ANKS1B: variants seen among roughly 807,000 people sequenced by gnomAD.
ANKS1B encodes ankyrin repeat and sterile alpha motif domain containing 1B.
A neutral mutation model predicts 148.3 loss-of-function variants in ANKS1B; 36 were observed. The observed-to-expected ratio is 0.24, with a 90% CI of 0.19 to 0.32. ANKS1B has a LOEUF of 0.32. ANKS1B is among the 10% of genes least tolerant of loss of function. The pLI, the probability that ANKS1B is intolerant of heterozygous loss-of-function variation, is 1.00. For synonymous variants in ANKS1B, 542 were observed against 560.8 expected, an observed-to-expected ratio of 0.97 and a Z score of 0.47; for missense variants, 1,157 against 1,542.6, an observed-to-expected ratio of 0.75 and a Z score of 4.19.
chr12:99,430,444 C>T (rs2095350162), intron 11 of ANKS1B, among the ~76,000 whole-genome samples: 1 of 152,122 alleles, frequency 6.6e-6, no homozygotes, highest in African/African-American at 2.4e-5. Context: ...TGATGTCTGG[C>T]AAGTAAGTGT....
chr12:99,393,644 G>T (rs1272326986), intron 12 of ANKS1B, among the ~76,000 whole-genome samples: 1 of 152,148 alleles, frequency 6.6e-6, no homozygotes, highest in African/African-American at 2.4e-5. Context: ...CAGTCCCATG[G>T]TCTTAAGACA....
intron 4 of ANKS1B, among the ~76,000 whole-genome samples, chr12:99,791,496 C>T (rs946949458): frequency 6.6e-6 from 1 of 151,808 alleles, no homozygotes; most frequent in Non-Finnish European, 1.5e-5. Flanking sequence ...AAGGACAGAC[C>T]ACATGTTAGG....
At chr12:98,928,583 A>T (rs2099810920) in intron 17 of ANKS1B, among the ~76,000 whole-genome samples, 1 of 152,020 alleles carries the variant, frequency 6.6e-6, no homozygotes, top group South Asian at 2.1e-4. Flanking sequence ...AATTATAACC[A>T]TGATCAAGTG....
At chr12:99,137,026 T>C (rs2153782434) in intron 15 of ANKS1B, among the ~76,000 whole-genome samples, 1 of 152,294 alleles carries the variant, frequency 6.6e-6, no homozygotes, top group African/African-American at 2.4e-5. Flanking sequence ...CATTCTCGTT[T>C]CCAAGAGTGC....
intron 12 of ANKS1B, among the ~76,000 whole-genome samples, chr12:99,385,284 C>A (rs887474672): frequency 5.9e-5 from 9 of 152,134 alleles, no homozygotes; most frequent in African/African-American, 2.2e-4. Flanking sequence ...GCCTGGCCAA[C>A]ATGGCAAAAC....
At chr12:99,396,526 C>G in intron 12 of ANKS1B, among the ~76,000 whole-genome samples, 1 of 152,084 alleles carries the variant, frequency 6.6e-6, no homozygotes, top group Non-Finnish European at 1.5e-5. Flanking sequence ...TATTGGAAAC[C>G]ATTTCAACTG....
intron 16 of ANKS1B, among the ~76,000 whole-genome samples, chr12:99,057,527 C>G (rs1363369658): frequency 6.6e-6 from 1 of 152,182 alleles, no homozygotes; most frequent in Non-Finnish European, 1.5e-5. Flanking sequence ...TACCCCTCTC[C>G]CCTTCAGCCG....
chr12:99,779,186 G>C (rs745956072), intron 6 of ANKS1B, among the ~76,000 whole-genome samples: 1 of 152,230 alleles, frequency 6.6e-6, no homozygotes, highest in African/African-American at 2.4e-5. Context: ...TACCTAGACA[G>C]TTGTCAAACT....
intron 9 of ANKS1B, among the ~76,000 whole-genome samples, chr12:99,519,339 G>T (rs2096853006): frequency 6.6e-6 from 1 of 152,172 alleles, no homozygotes; most frequent in East Asian, 1.9e-4. Flanking sequence ...AGCTATTATT[G>T]TATTAAGGCC....
intron 14 of ANKS1B, among the ~76,000 whole-genome samples, chr12:99,206,919 T>C (rs1052492009): frequency 1.3e-5 from 2 of 152,232 alleles, no homozygotes; most frequent in African/African-American, 4.8e-5. Context: ...AGTACTGGTC[T>C]AAACAAGCCT....
chr12:99,292,091 G>A (rs994249246), intron 12 of ANKS1B, among the ~76,000 whole-genome samples: 1 of 152,078 alleles, frequency 6.6e-6, no homozygotes, highest in Non-Finnish European at 1.5e-5. Flanking sequence ...CAGGACATAG[G>A]CATGGGCAAG....
intron 8 of ANKS1B, among the ~76,000 whole-genome samples, chr12:99,716,720 T>G (rs1409226455): frequency 6.6e-6 from 1 of 152,030 alleles, no homozygotes; most frequent in Non-Finnish European, 1.5e-5. Flanking sequence ...TAGTCTCTGT[T>G]CCCAATGCAA....
intron 12 of ANKS1B, among the ~76,000 whole-genome samples, chr12:99,304,986 C>T (rs537647644): frequency 6.6e-6 from 1 of 152,128 alleles, no homozygotes; most frequent in South Asian, 2.1e-4. Context: ...GTTTTGCAGA[C>T]TATACAGGAA....
At chr12:99,517,048 A>G (rs1163890317) in intron 9 of ANKS1B, among the ~76,000 whole-genome samples, 1 of 152,128 alleles carries the variant, frequency 6.6e-6, no homozygotes, top group East Asian at 1.9e-4. Flanking sequence ...TATTTCTGTG[A>G]AAAATATCAT....
chr12:98,913,793 T>C (rs762048019), intron 17 of ANKS1B, among the ~76,000 whole-genome samples: 9 of 152,166 alleles, frequency 5.9e-5, no homozygotes, highest in Non-Finnish European at 1.2e-4. Flanking sequence ...ACCACACCCA[T>C]CTAATTTTTG....
At chr12:99,691,145 C>T (rs975662284) in intron 8 of ANKS1B, among the ~76,000 whole-genome samples, 1 of 152,148 alleles carries the variant, frequency 6.6e-6, no homozygotes, top group African/African-American at 2.4e-5. Context: ...GAAGCAGCTG[C>T]GATGCAAGGC....
chr12:99,429,159 A>G (rs185426315), intron 11 of ANKS1B, among the ~76,000 whole-genome samples: 1 of 152,320 alleles, frequency 6.6e-6, no homozygotes, highest in East Asian at 1.9e-4. Flanking sequence ...ACAAACAAAC[A>G]AACAAACAAA....
At chr12:99,604,889 A>G (rs532958559) in intron 9 of ANKS1B, among the ~76,000 whole-genome samples, 4 of 152,014 alleles carry the variant, frequency 2.6e-5, no homozygotes, top group African/African-American at 9.6e-5. Flanking sequence ...ACTTGTGAAC[A>G]AAAACTGAGC....
intron 12 of ANKS1B, among the ~76,000 whole-genome samples, chr12:99,299,054 T>A (rs1045749468): frequency 6.7e-6 from 1 of 149,938 alleles, no homozygotes; most frequent in African/African-American, 2.5e-5. Flanking sequence ...CTATTTCATG[T>A]TTGTTGCTTT....
Sources: gnomAD v4.1 joint callset for allele counts (sites outside exome capture counted in the v4.1 genomes callset) on GRCh38, gnomAD v4.1.1 for gene constraint, MANE v1.5 for transcripts, NCBI Gene and HGNC (gene_info 2026-07-23, HGNC 2026-07-21) for gene names.